Variants in HSD17B7 observed in about 807,000 individuals in gnomAD.
HSD17B7 encodes 3-keto-steroid reductase/17-beta-hydroxysteroid dehydrogenase 7.
A neutral mutation model predicts 34.1 loss-of-function variants in HSD17B7; 17 were observed. That is an observed-to-expected ratio of 0.50 (90% CI 0.34 to 0.75). HSD17B7 has a LOEUF of 0.75. Ranked by LOEUF, HSD17B7 falls within the 30% of genes least tolerant of loss-of-function variation. The probability of loss-of-function intolerance (pLI) is 0.01; values close to 1 mark genes in which losing one functional copy is unlikely to be tolerated. For missense variants in HSD17B7, 296 were observed against 406.6 expected, an observed-to-expected ratio of 0.73 and a Z score of 2.34; for synonymous variants, 122 against 154.6, an observed-to-expected ratio of 0.79 and a Z score of 1.56.
At position 162,792,661 on chromosome 1, in the gene HSD17B7, G is replaced by A. The variant is rs1458530307; in HGVS notation, c.38G>A (p.Gly13Asp). ...KVVLITGASSGIGLALCKRLL... is the reference protein window; with the variant it reads ...KVVLITGASSDIGLALCKRLL... The stretch of plus-strand genomic sequence containing the variant: ...TTGTGTCTGAATTGTCCTCCCAGTG[G>A]CATTGGCCTGGCCCTCTGCAAGCGG... Residue 13 changes from glycine (G) to aspartate (D), a missense_variant and splice_region_variant, in exon 2 of 9, where the codon GGC becomes GAC. Physicochemically the swap from Gly to Asp is moderately conservative, Grantham distance 94. Transcript: ENST00000254521. 3.1e-6 allele frequency: 5 copies of A among 1,611,026 alleles called. No homozygotes were observed. Among genetic ancestry groups the A allele is most frequent in the Non-Finnish European group, 4.2e-6 (5 of 1,178,588 alleles).
chr1:162,792,736 T>G lies in HSD17B7; in HGVS notation c.113T>G (p.Met38Arg), dbSNP rs1391389687. 3.1e-6 allele frequency: 5 copies of G among 1,614,204 alleles called. No individual in the cohort carries two copies. The highest frequency in any genetic ancestry group is 3.4e-6 in the Non-Finnish European group (4 of 1,180,034). ...CATCTGTGTTTGGCGTGCAGGAACA[T>G]GAGCAAGGCAGAAGCTGTCTGTGCT... ...ELHLCLACRNMSKAEAVCAAL... is the reference protein window; with the variant it reads ...ELHLCLACRNRSKAEAVCAAL... Residue 38 changes from methionine (M) to arginine (R), a missense_variant, in exon 2 of 9, where the codon ATG becomes AGG. Transcript: ENST00000254521.
chr1:162,803,595 G>T, intron 6 of HSD17B7, 60 bp downstream of exon 6: 1 of 1,572,384 alleles, frequency 6.4e-7, no homozygotes, highest in Non-Finnish European at 8.7e-7. Flanking sequence ...GGACCTAGAA[G>T]ATATGTTTAA....
intron 1 of HSD17B7, 37 bp downstream of exon 1, chr1:162,790,872 A>G (rs765450553): frequency 6.2e-7 from 1 of 1,604,678 alleles, no homozygotes; most frequent in South Asian, 1.1e-5. Context: ...GCGGCAGCGG[A>G]TCAGGGGTCC....
intron 2 of HSD17B7, among the ~76,000 whole-genome samples, chr1:162,794,698 CT>C (rs746727909): frequency 1.1e-4 from 16 of 151,780 alleles, no homozygotes; most frequent in Non-Finnish European, 2.1e-4. Context: ...TTCTTACCTG[CT>C]TTGTTTAGAT....
intron 5 of HSD17B7, among the ~76,000 whole-genome samples, chr1:162,802,219 T>G (rs1327288163): frequency 2.5e-4 from 38 of 152,262 alleles, no homozygotes; most frequent in Admixed American, 2.5e-3. Context: ...TAAGATTGTC[T>G]TCTTCTTTCT....
At chr1:162,804,364 C>T (rs561941599) in intron 7 of HSD17B7, 41 bp downstream of exon 7, 9 of 1,239,872 alleles carry the variant, frequency 7.3e-6, no homozygotes, top group Non-Finnish European at 1.1e-5. Flanking sequence ...GATGACTTAG[C>T]AGATGTGAAT....
At chr1:162,795,785 C>T (rs1348902634) in intron 2 of HSD17B7, 3 of 400,020 alleles carry the variant, frequency 7.5e-6, no homozygotes, top group African/African-American at 6.2e-5. Flanking sequence ...CTGTGAGTAT[C>T]ATGAGAGCAG....
At chr1:162,797,277 C>G (rs12061476) in intron 3 of HSD17B7, 2,758 of 159,338 alleles carry the variant, frequency 0.017, 74 homozygotes, top group African/African-American at 0.063. Flanking sequence ...AAGACAGACA[C>G]ACACACACAC....
At chr1:162,808,287 G>A (rs567981599) in intron 8 of HSD17B7, among the ~76,000 whole-genome samples, 1,880 of 152,000 alleles carry the variant, frequency 0.012, 70 homozygotes, top group African/African-American at 0.043. Context: ...TAGATATGCA[G>A]CATTATTTCT....
At chr1:162,796,507 C>T (rs1322796346) in intron 2 of HSD17B7, 78 bp from the exon 3 acceptor site, 8 of 889,938 alleles carry the variant, frequency 9.0e-6, no homozygotes, top group East Asian at 4.8e-5. Context: ...ATTCTAGTCA[C>T]TCTAGAGATA....
chr1:162,799,382 C>T (rs1405227153), intron 4 of HSD17B7: 2 of 165,092 alleles, frequency 1.2e-5, no homozygotes, highest in East Asian at 3.4e-4. Flanking sequence ...ATCCTTCAGA[C>T]TCATCTTGTG....
intron 3 of HSD17B7, chr1:162,797,585 T>A: frequency 2.0e-6 from 1 of 511,116 alleles, no homozygotes. Flanking sequence ...GAGCTATAAG[T>A]ATGTAAGTAT....
At chr1:162,793,593 A>G (rs545517560) in intron 2 of HSD17B7, among the ~76,000 whole-genome samples, 5 of 152,314 alleles carry the variant, frequency 3.3e-5, no homozygotes, top group Admixed American at 3.3e-4. Flanking sequence ...CCACATTTTC[A>G]ATCTCAATCA....
chr1:162,790,862 G>C, intron 1 of HSD17B7, 27 bp downstream of exon 1: 1 of 1,611,706 alleles, frequency 6.2e-7, no homozygotes. Context: ...GTTGGCAGAG[G>C]CGGCAGCGGA....
intron 1 of HSD17B7, among the ~76,000 whole-genome samples, chr1:162,792,072 G>A (rs1648426305): frequency 1.3e-5 from 2 of 152,072 alleles, no homozygotes; most frequent in Admixed American, 1.3e-4. Flanking sequence ...TAATCATGTT[G>A]AGTTCTTTCT....
intron 8 of HSD17B7, among the ~76,000 whole-genome samples, chr1:162,809,998 A>G (rs1649123150): frequency 6.6e-6 from 1 of 151,642 alleles, no homozygotes; most frequent in African/African-American, 2.4e-5. Flanking sequence ...CTAGCTTTTG[A>G]ATGTGTTTGC....
At chr1:162,811,511 A>C (rs542030971) in intron 8 of HSD17B7, among the ~76,000 whole-genome samples, 22 of 152,376 alleles carry the variant, frequency 1.4e-4, no homozygotes, top group Middle Eastern at 3.4e-3. Context: ...AAAAGGGCTG[A>C]AAGTTTGCCT....
chr1:162,803,914 C>A (rs1005826403), intron 6 of HSD17B7, among the ~76,000 whole-genome samples: 6 of 152,190 alleles, frequency 3.9e-5, no homozygotes, highest in Admixed American at 6.5e-5. Flanking sequence ...AACTATACAA[C>A]CATATTTTTG....
At chr1:162,811,687 A>G (rs933366500) in intron 8 of HSD17B7, among the ~76,000 whole-genome samples, 1 of 152,254 alleles carries the variant, frequency 6.6e-6, no homozygotes, top group African/African-American at 2.4e-5. Context: ...GTTCCTTGCA[A>G]TCACCACCTG....
Sources: gnomAD v4.1 joint callset for allele counts (sites outside exome capture counted in the v4.1 genomes callset) on GRCh38, gnomAD v4.1.1 for gene constraint, MANE v1.5 for transcripts, NCBI Gene and HGNC (gene_info 2026-07-23, HGNC 2026-07-21) for gene names.